PTPRD: variants seen among roughly 807,000 people sequenced by gnomAD.
PTPRD encodes receptor-type tyrosine-protein phosphatase delta.
PTPRD carries 34 observed loss-of-function variants against 214.5 expected under a neutral mutation model. That is an observed-to-expected ratio of 0.16 (90% CI 0.12 to 0.21). The LOEUF (loss-of-function observed/expected upper bound fraction) is 0.21. Ranked by LOEUF, PTPRD falls within the 10% of genes least tolerant of loss-of-function variation. PTPRD has a pLI of 1.00. For synonymous variants in PTPRD, 1,128 were observed against 845.7 expected, an observed-to-expected ratio of 1.33 and a Z score of -5.79; for missense variants, 2,545 against 2,398.7, an observed-to-expected ratio of 1.06 and a Z score of -1.27.
At chr9:9,276,683 C>T (rs988409476) in intron 9 of PTPRD, among the ~76,000 whole-genome samples, 3 of 151,316 alleles carry the variant, frequency 2.0e-5, no homozygotes, top group African/African-American at 4.8e-5. Flanking sequence ...CTCCACTTGG[C>T]TCTCATGGAG....
intron 3 of PTPRD, among the ~76,000 whole-genome samples, chr9:10,159,572 T>C (rs1004042236): frequency 6.6e-6 from 1 of 152,092 alleles, no homozygotes; most frequent in Non-Finnish European, 1.5e-5. Flanking sequence ...ATAAATAATT[T>C]AAAATATCAA....
At chr9:9,065,138 C>A (rs1321842232) in intron 10 of PTPRD, among the ~76,000 whole-genome samples, 1 of 151,988 alleles carries the variant, frequency 6.6e-6, no homozygotes, top group Non-Finnish European at 1.5e-5. Context: ...ACTTTCAGGT[C>A]TAATGGCAGA....
intron 10 of PTPRD, among the ~76,000 whole-genome samples, chr9:9,057,292 A>C (rs924242110): frequency 6.6e-6 from 1 of 152,126 alleles, no homozygotes; most frequent in Non-Finnish European, 1.5e-5. Flanking sequence ...CTTGGCAATG[A>C]TATATTTTTT....
chr9:8,727,283 G>A (rs1002666641), intron 12 of PTPRD, among the ~76,000 whole-genome samples: 1 of 152,196 alleles, frequency 6.6e-6, no homozygotes, highest in African/African-American at 2.4e-5. Context: ...TGTTGATTTT[G>A]TGACAGAGTC....
At chr9:10,042,544 C>G (rs764889485) in intron 3 of PTPRD, among the ~76,000 whole-genome samples, 1 of 151,872 alleles carries the variant, frequency 6.6e-6, no homozygotes. Context: ...TATTAAGATG[C>G]AGTTACCCTC....
intron 3 of PTPRD, among the ~76,000 whole-genome samples, chr9:10,124,354 T>C (rs1260242623): frequency 6.6e-6 from 1 of 152,194 alleles, no homozygotes; most frequent in Non-Finnish European, 1.5e-5. Flanking sequence ...CCACCAAATA[T>C]TGCTCCTGAA....
chr9:10,135,831 A>G (rs1390441262), intron 3 of PTPRD, among the ~76,000 whole-genome samples: 2 of 152,100 alleles, frequency 1.3e-5, no homozygotes, highest in East Asian at 3.9e-4. Context: ...TAAGTCTACA[A>G]AAACAACCAG....
chr9:9,361,748 G>C (rs1246939203), intron 9 of PTPRD, among the ~76,000 whole-genome samples: 1 of 151,052 alleles, frequency 6.6e-6, no homozygotes, highest in African/African-American at 2.4e-5. Flanking sequence ...TCAAGATTAA[G>C]CATACTATCT....
chr9:10,188,987 C>T (rs920240859), intron 3 of PTPRD, among the ~76,000 whole-genome samples: 2 of 152,082 alleles, frequency 1.3e-5, no homozygotes, highest in African/African-American at 4.8e-5. Flanking sequence ...GGTAGTCTTA[C>T]ATGTAGGGTA....
chr9:9,625,879 GT>G (rs1229231415), intron 7 of PTPRD, among the ~76,000 whole-genome samples: 1 of 152,082 alleles, frequency 6.6e-6, no homozygotes, highest in Non-Finnish European at 1.5e-5. Context: ...ATTGGTAGAG[GT>G]TTTTCTCTAG....
intron 8 of PTPRD, among the ~76,000 whole-genome samples, chr9:9,533,007 A>T (rs140719688): frequency 1.6e-4 from 24 of 152,266 alleles, no homozygotes; most frequent in Non-Finnish European, 2.6e-4. Context: ...AGTGCAGAAG[A>T]AGTTTACAGA....
At chr9:9,935,233 G>T (rs1430039534) in intron 5 of PTPRD, among the ~76,000 whole-genome samples, 1 of 151,930 alleles carries the variant, frequency 6.6e-6, no homozygotes. Context: ...AGGGCAATCA[G>T]GCAGGAGAAG....
At chr9:10,248,533 A>AAAAAAAAAAAAAAAAAAAAAAAC (rs60272481) in intron 3 of PTPRD, among the ~76,000 whole-genome samples, 3 of 127,444 alleles carry the variant, frequency 2.4e-5, no homozygotes, top group African/African-American at 3.3e-5. Context: ...AAAATAAAAA[A>AAAAAAAAAAAAAAAAAAAAAAAC]AATAAAGCGA....
intron 8 of PTPRD, among the ~76,000 whole-genome samples, chr9:9,490,214 T>C (rs1370843271): frequency 6.6e-6 from 1 of 152,080 alleles, no homozygotes; most frequent in Non-Finnish European, 1.5e-5. Flanking sequence ...ACAAAGTTGC[T>C]GGAGTTTGTT....
At chr9:10,291,831 C>T (rs556775510) in intron 3 of PTPRD, among the ~76,000 whole-genome samples, 8 of 152,012 alleles carry the variant, frequency 5.3e-5, no homozygotes, top group East Asian at 3.9e-4. Flanking sequence ...CTAATGGAGA[C>T]GTAAAGAAAA....
At chr9:9,260,590 A>G (rs2099979683) in intron 9 of PTPRD, among the ~76,000 whole-genome samples, 2 of 151,720 alleles carry the variant, frequency 1.3e-5, no homozygotes, top group South Asian at 4.2e-4. Context: ...CATTTGAAAG[A>G]GTAGGGTGAG....
chr9:8,400,536 C>A (rs1364099687), intron 36 of PTPRD, among the ~76,000 whole-genome samples: 1 of 152,134 alleles, frequency 6.6e-6, no homozygotes, highest in Non-Finnish European at 1.5e-5. Flanking sequence ...ATCCATAAGG[C>A]TAATGCCAAA....
At chr9:10,029,545 C>T (rs530785281) in intron 4 of PTPRD, among the ~76,000 whole-genome samples, 1 of 152,176 alleles carries the variant, frequency 6.6e-6, no homozygotes, top group Admixed American at 6.5e-5. Flanking sequence ...CATTTTGGAG[C>T]TTTAAGATTT....
At chr9:9,414,734 T>C (rs2076504265) in intron 8 of PTPRD, 1 of 152,230 alleles carries the variant, frequency 6.6e-6, no homozygotes, top group Non-Finnish European at 1.5e-5. Context: ...AATAATTCTT[T>C]AATCAACAAA....
Sources: gnomAD v4.1 joint callset for allele counts (sites outside exome capture counted in the v4.1 genomes callset) on GRCh38, gnomAD v4.1.1 for gene constraint, MANE v1.5 for transcripts, NCBI Gene and HGNC (gene_info 2026-07-23, HGNC 2026-07-21) for gene names.